The following AGBL4 variants were observed in gnomAD, a reference collection of about 807,000 sequenced individuals.
AGBL4 encodes the protein AGBL carboxypeptidase 4.
Under a neutral mutation model 66.4 loss-of-function variants are expected in AGBL4, and 58 were observed. That is an observed-to-expected ratio of 0.87 (90% confidence interval 0.71 to 1.09). AGBL4 has a LOEUF of 1.09. Among genes scored for constraint, AGBL4 ranks in the 50% least tolerant of loss-of-function variants. The pLI, the probability that AGBL4 is intolerant of heterozygous loss-of-function variation, is 0.00. For synonymous variants in AGBL4, 234 were observed against 222.9 expected, an observed-to-expected ratio of 1.05 and a Z score of -0.44; for missense variants, 579 against 631.0, an observed-to-expected ratio of 0.92 and a Z score of 0.88.
intron 4 of AGBL4, among the ~76,000 whole-genome samples, chr1:49,137,593 A>G (rs1646036565): frequency 6.6e-6 from 1 of 152,132 alleles, no homozygotes; most frequent in Admixed American, 6.6e-5. Context: ...AAGAACCCCA[A>G]ACCTGGTTCT....
At chr1:48,733,092 C>T (rs1648415134) in intron 6 of AGBL4, among the ~76,000 whole-genome samples, 1 of 152,204 alleles carries the variant, frequency 6.6e-6, no homozygotes, top group African/African-American at 2.4e-5. Context: ...AGGGAACACA[C>T]ACAGTGGGTG....
At chr1:48,726,149 A>T (rs899396122) in intron 6 of AGBL4, among the ~76,000 whole-genome samples, 5 of 152,174 alleles carry the variant, frequency 3.3e-5, no homozygotes, top group Admixed American at 6.5e-5. Flanking sequence ...ATATGCATCA[A>T]ACATTACGCA....
At chr1:48,710,886 C>T (rs1472508217) in intron 6 of AGBL4, among the ~76,000 whole-genome samples, 1 of 151,244 alleles carries the variant, frequency 6.6e-6, no homozygotes, top group African/African-American at 2.5e-5. Flanking sequence ...GCCACCCCAC[C>T]AGCCTACCTA....
At position 48,657,453 on chromosome 1, in the gene AGBL4, G is replaced by A. The variant is rs907918298; in HGVS notation, c.725-4002C>T. 5.3e-5 allele frequency among the ~76,000 whole-genome samples: 8 copies of A among 152,200 alleles called. No individual in the cohort carries two copies. The South Asian group carries it at 6.2e-4, about 12-fold the overall frequency. On this transcript the variant is annotated intron_variant, in intron 7 of 13. Transcript: ENST00000371839. ...TTGGAGAGCTCCATCCGGCTGCAGCGTGGAATGCTGCTAAGAGGAAAGGAA... is the reference window on the plus strand; with the variant it reads ...TTGGAGAGCTCCATCCGGCTGCAGCATGGAATGCTGCTAAGAGGAAAGGAA...
At chr1:48,979,593 A>ATCACT (rs1659590493) in intron 5 of AGBL4, among the ~76,000 whole-genome samples, 1 of 152,136 alleles carries the variant, frequency 6.6e-6, no homozygotes, top group Admixed American at 6.6e-5. Context: ...AATAATCCAA[A>ATCACT]ATCTTTAATC....
chr1:49,714,336 T>C (rs960675950), intron 2 of AGBL4, among the ~76,000 whole-genome samples: 1 of 152,012 alleles, frequency 6.6e-6, no homozygotes, highest in Middle Eastern at 3.4e-3. Flanking sequence ...AGTAATTTAT[T>C]TTCTCTCGTC....
chr1:49,095,946 A>G (rs1645091195), intron 4 of AGBL4, among the ~76,000 whole-genome samples: 1 of 152,222 alleles, frequency 6.6e-6, no homozygotes, highest in Non-Finnish European at 1.5e-5. Flanking sequence ...CTCATCCGAC[A>G]AAGGGCTAAT....
At chr1:49,853,058 G>T (rs1366293105) in intron 1 of AGBL4, among the ~76,000 whole-genome samples, 1 of 152,068 alleles carries the variant, frequency 6.6e-6, no homozygotes, top group East Asian at 1.9e-4. Flanking sequence ...TAAAACAGTA[G>T]TATTCTCTAC....
chr1:49,876,990 AT>A (rs1647030659), intron 1 of AGBL4, among the ~76,000 whole-genome samples: 1 of 151,456 alleles, frequency 6.6e-6, no homozygotes, highest in South Asian at 2.1e-4. Context: ...AATGCTTGTG[AT>A]TTTTGTACAT....
intron 3 of AGBL4, among the ~76,000 whole-genome samples, chr1:49,609,985 A>C (rs1645125629): frequency 6.6e-6 from 1 of 152,198 alleles, no homozygotes; most frequent in East Asian, 1.9e-4. Flanking sequence ...TAAGAAATTC[A>C]GAGTAGATTT....
At chr1:49,537,645 C>G (rs143942765) in intron 3 of AGBL4, among the ~76,000 whole-genome samples, 1 of 152,160 alleles carries the variant, frequency 6.6e-6, no homozygotes, top group Non-Finnish European at 1.5e-5. Flanking sequence ...AGTCAGCAGG[C>G]TGGGCATGGT....
intron 3 of AGBL4, among the ~76,000 whole-genome samples, chr1:49,476,793 T>C (rs1038302442): frequency 1.3e-5 from 2 of 152,080 alleles, no homozygotes; most frequent in Admixed American, 1.3e-4. Flanking sequence ...TATGAGACTA[T>C]AGCATTTCTG....
intron 4 of AGBL4, among the ~76,000 whole-genome samples, chr1:49,219,029 G>A (rs1427857915): frequency 1.3e-5 from 2 of 152,102 alleles, no homozygotes; most frequent in Admixed American, 1.3e-4. Context: ...CCAGTCTCGA[G>A]TATGTCTCTA....
At chr1:48,703,252 G>A (rs372827046) in intron 6 of AGBL4, among the ~76,000 whole-genome samples, 2 of 152,114 alleles carry the variant, frequency 1.3e-5, no homozygotes, top group East Asian at 3.9e-4. Context: ...AGGCAGAGAT[G>A]CAAAGGAAGC....
At chr1:48,876,620 T>C (rs1368009259) in intron 5 of AGBL4, among the ~76,000 whole-genome samples, 3 of 152,150 alleles carry the variant, frequency 2.0e-5, no homozygotes, top group Non-Finnish European at 4.4e-5. Flanking sequence ...TTACCTAACA[T>C]GTCTCATGTT....
At chr1:49,915,075 T>C (rs1251694514) in intron 1 of AGBL4, among the ~76,000 whole-genome samples, 1 of 152,188 alleles carries the variant, frequency 6.6e-6, no homozygotes, top group Non-Finnish European at 1.5e-5. Context: ...AGAGGCTACT[T>C]AGGACAATTT....
chr1:49,237,486 T>A (rs1351495411), intron 4 of AGBL4, among the ~76,000 whole-genome samples: 2 of 146,642 alleles, frequency 1.4e-5, no homozygotes, highest in African/African-American at 5.2e-5. Flanking sequence ...ATAGAGTCAC[T>A]CATCCTTTTT....
intron 3 of AGBL4, among the ~76,000 whole-genome samples, chr1:49,554,148 A>G (rs1283376535): frequency 6.6e-6 from 1 of 152,208 alleles, no homozygotes; most frequent in Non-Finnish European, 1.5e-5. Flanking sequence ...ACACACACAC[A>G]CACAGTCTCA....
intron 11 of AGBL4, among the ~76,000 whole-genome samples, chr1:48,575,474 A>C (rs1033512347): frequency 6.6e-6 from 1 of 152,156 alleles, no homozygotes; most frequent in Non-Finnish European, 1.5e-5. Context: ...CGCTGCTGCC[A>C]CAGTGACCTC....
Sources: gnomAD v4.1 joint callset for allele counts (sites outside exome capture counted in the v4.1 genomes callset) on GRCh38, gnomAD v4.1.1 for gene constraint, MANE v1.5 for transcripts, NCBI Gene and HGNC (gene_info 2026-07-23, HGNC 2026-07-21) for gene names.